Variants in TMEM132D observed in about 807,000 individuals in gnomAD.
The protein encoded by TMEM132D is mature OL transmembrane protein.
A neutral mutation model predicts 62.3 loss-of-function variants in TMEM132D; 21 were observed. The ratio of observed to expected loss-of-function variants is 0.34; its 90% CI spans 0.24 to 0.49. The LOEUF is 0.49. Among genes scored for constraint, TMEM132D ranks in the 20% least tolerant of loss-of-function variants. The pLI is 0.99. For missense variants in TMEM132D, 1,346 were observed against 1,402.8 expected, an observed-to-expected ratio of 0.96 and a Z score of 0.65; for synonymous variants, 621 against 575.6, an observed-to-expected ratio of 1.08 and a Z score of -1.13.
chr12:129,671,263 A>C (rs1880494380), intron 2 of TMEM132D, among the ~76,000 whole-genome samples: 1 of 152,206 alleles, frequency 6.6e-6, no homozygotes. Context: ...GAATAACTTA[A>C]AAGGTCTTTG....
intron 1 of TMEM132D, among the ~76,000 whole-genome samples, chr12:129,800,853 T>G (rs1416150561): frequency 6.6e-6 from 1 of 151,842 alleles, no homozygotes; most frequent in African/African-American, 2.4e-5. Context: ...GCTCAGTGGG[T>G]GCGCGCACCG....
At chr12:129,293,650 A>G (rs1792752679) in intron 4 of TMEM132D, among the ~76,000 whole-genome samples, 1 of 152,188 alleles carries the variant, frequency 6.6e-6, no homozygotes. Flanking sequence ...ACAGTAACAG[A>G]TCATCAGGCA....
chr12:129,824,567 G>C (rs1872614626), intron 1 of TMEM132D, among the ~76,000 whole-genome samples: 1 of 152,126 alleles, frequency 6.6e-6, no homozygotes, highest in African/African-American at 2.4e-5. Context: ...GATGGGACTA[G>C]TTCCCTTATA....
intron 2 of TMEM132D, among the ~76,000 whole-genome samples, chr12:129,596,840 A>G (rs1330356538): frequency 6.6e-6 from 1 of 151,768 alleles, no homozygotes; most frequent in East Asian, 1.9e-4. Context: ...AAGCCCTTCT[A>G]AATATAGGAC....
rs1464122265 is a variant in TMEM132D, at chr12:129,277,733, A to G, written c.1299+59901T>C. ...ATCATATCATATGAAGAAAAAAACA[A>G]CTTTTCCAGGAAGCCTCATAGATTC... On this transcript the variant is annotated intron_variant, in intron 4 of 8. Coordinates refer to ENST00000422113, the MANE Select transcript of TMEM132D (RefSeq NM_133448.3). The surrounding 1 kb of genome is among the most constrained non-coding windows in gnomAD (Gnocchi z 4.2). Among the ~76,000 whole-genome samples the G allele has an allele frequency of 1.3e-5, 2 of 152,196 alleles. No homozygotes were observed. Among genetic ancestry groups the G allele is most frequent in the African/African-American group, 4.8e-5 (2 of 41,442 alleles).
Position 129,239,261 on chromosome 12 carries a change from T to A in TMEM132D, c.1300-29598A>T, listed in dbSNP as rs78176919. On this transcript the variant is annotated intron_variant, in intron 4 of 8. Transcript: ENST00000422113. ...ATTAACACTATAATGGTTAATTTTA[T>A]GTGTTTAAGAAATCCTTGCCAAATC... is the stretch of plus-strand genomic sequence containing the variant. Among the ~76,000 whole-genome samples, 643 of 152,362 alleles carry A rather than the reference T, an allele frequency of 4.2e-3. 6 individuals are homozygous for A. Among genetic ancestry groups the A allele is most frequent in the African/African-American group, 0.015 (607 of 41,580 alleles).
chr12:129,766,559 C>T (rs1276751877), intron 1 of TMEM132D, among the ~76,000 whole-genome samples: 1 of 152,116 alleles, frequency 6.6e-6, no homozygotes, highest in African/African-American at 2.4e-5. Flanking sequence ...TTGAGCTGCC[C>T]TTTCTTACCT....
chr12:129,607,980 G>A (rs921391523), intron 2 of TMEM132D, among the ~76,000 whole-genome samples: 1 of 152,188 alleles, frequency 6.6e-6, no homozygotes, highest in Non-Finnish European at 1.5e-5. Flanking sequence ...ACTGCGGCGG[G>A]GGAGGAGCCG....
chr12:129,613,710 C>G (rs1335876653), intron 2 of TMEM132D, among the ~76,000 whole-genome samples: 1 of 152,230 alleles, frequency 6.6e-6, no homozygotes, highest in East Asian at 1.9e-4. Context: ...GCTCGAGAAC[C>G]CAGGCAACTG....
intron 4 of TMEM132D, among the ~76,000 whole-genome samples, chr12:129,270,323 C>T (rs1880819703): frequency 6.6e-6 from 1 of 152,084 alleles, no homozygotes; most frequent in Non-Finnish European, 1.5e-5. Context: ...CCATAGAAAC[C>T]CTGTAGAACA....
rs187225947 is a variant in TMEM132D, at chr12:129,182,160, G to A, written c.1443+27360C>T. Among the ~76,000 whole-genome samples the A allele has an allele frequency of 2.7e-4, 41 of 152,194 alleles. No homozygotes were observed. In the East Asian group the frequency reaches 4.7e-3, roughly 17 times the overall value. On this transcript the variant is annotated intron_variant, in intron 5 of 8. Transcript: ENST00000422113. Reference sequence around the variant, plus strand: ...GTGGATCACCTGGGGTCAGGAGTTCGAGACCAGCCTGACCAACATGGTGAA... The same window carrying A: ...GTGGATCACCTGGGGTCAGGAGTTCAAGACCAGCCTGACCAACATGGTGAA...
intron 2 of TMEM132D, among the ~76,000 whole-genome samples, chr12:129,640,947 G>A (rs1419656993): frequency 6.6e-6 from 1 of 152,122 alleles, no homozygotes; most frequent in African/African-American, 2.4e-5. Context: ...TCTAACGCCT[G>A]ATGATCTGTC....
chr12:129,291,309 G>A (rs1180175565), intron 4 of TMEM132D, among the ~76,000 whole-genome samples: 2 of 152,164 alleles, frequency 1.3e-5, no homozygotes, highest in African/African-American at 4.8e-5. Flanking sequence ...CATTTCTAGA[G>A]GCAGCTTGTA....
At chr12:129,523,383 A>G (rs1008062683) in intron 3 of TMEM132D, among the ~76,000 whole-genome samples, 14 of 152,224 alleles carry the variant, frequency 9.2e-5, no homozygotes, top group African/African-American at 2.4e-4. Context: ...GTATTGATGA[A>G]GCATTTTGAT....
At chr12:129,283,469 G>A (rs1406074837) in intron 4 of TMEM132D, among the ~76,000 whole-genome samples, 4 of 152,204 alleles carry the variant, frequency 2.6e-5, no homozygotes, top group Admixed American at 6.5e-5. Context: ...TGGAATTACA[G>A]GCATGAGCCA....
intron 4 of TMEM132D, among the ~76,000 whole-genome samples, chr12:129,222,906 T>A (rs948922211): frequency 7.2e-6 from 1 of 138,592 alleles, no homozygotes; most frequent in African/African-American, 2.5e-5. Flanking sequence ...TCTTAAACGC[T>A]CTCACTACCA....
chr12:129,478,587 T>C (rs1874338612), intron 3 of TMEM132D, among the ~76,000 whole-genome samples: 1 of 152,214 alleles, frequency 6.6e-6, no homozygotes, highest in Non-Finnish European at 1.5e-5. Flanking sequence ...CTGGGGCAGA[T>C]AGGGGTTTCT....
chr12:129,625,099 G>C (rs1211705930), intron 2 of TMEM132D, among the ~76,000 whole-genome samples: 1 of 152,172 alleles, frequency 6.6e-6, no homozygotes, highest in Non-Finnish European at 1.5e-5. Context: ...ATGTGTCCCT[G>C]ATCATTCCTA....
At chr12:129,517,050 G>T (rs1032495644) in intron 3 of TMEM132D, among the ~76,000 whole-genome samples, 1 of 152,086 alleles carries the variant, frequency 6.6e-6, no homozygotes. Flanking sequence ...CTCATCTGGA[G>T]GTTCTCAACT....
Sources: allele counts gnomAD v4.1 joint callset (sites outside exome capture counted in the v4.1 genomes callset), GRCh38; gene constraint gnomAD v4.1.1; non-coding constraint Gnocchi (gnomAD v3.1); transcripts MANE v1.5; gene names NCBI Gene and HGNC (gene_info 2026-07-23, HGNC 2026-07-21).